The following ZNF562 variants were observed in gnomAD, a reference collection of about 807,000 sequenced individuals.
The protein encoded by ZNF562 is zinc finger protein 562.
Under a neutral mutation model 17.5 loss-of-function variants are expected in ZNF562, and 13 were observed. That is an observed-to-expected ratio of 0.74 (90% confidence interval 0.48 to 1.18). The LOEUF (loss-of-function observed/expected upper bound fraction) is 1.18, where lower values mean the gene tolerates loss of function less well. Ranked by LOEUF, ZNF562 falls within the 50% of genes most tolerant of loss-of-function variation. The pLI, the probability that ZNF562 is intolerant of heterozygous loss-of-function variation, is 0.00. For missense variants in ZNF562, 481 were observed against 498.5 expected (o/e 0.96, Z 0.33); for synonymous variants, 163 against 165.4 (o/e 0.99, Z 0.11).
chr19:9,660,072 G>C (rs147061920), intron 2 of ZNF562, among the ~76,000 whole-genome samples: 2,881 of 114,360 alleles, frequency 0.025, 121 homozygotes, highest in African/African-American at 0.093. Flanking sequence ...CTGGGTGACA[G>C]AGTGAGACTC....
intron 1 of ZNF562, among the ~76,000 whole-genome samples, chr19:9,669,756 A>G (rs980813160): frequency 1.3e-5 from 2 of 150,616 alleles, no homozygotes; most frequent in Non-Finnish European, 3.0e-5. Flanking sequence ...ACACACACAC[A>G]CACACACACA....
chr19:9,668,193 T>C (rs1199097605), intron 1 of ZNF562, among the ~76,000 whole-genome samples: 1 of 151,438 alleles, frequency 6.6e-6, no homozygotes, highest in Non-Finnish European at 1.5e-5. Flanking sequence ...CTGGGCAACA[T>C]GGCACGGCTC....
rs920861121 is a variant in ZNF562 at position 9,644,768 on chromosome 19, A to T, written c.*8181T>A. The stretch of plus-strand genomic sequence containing the variant: ...AGAATTACTTGAACAGCATGGGGAA[A>T]CCCCCCCCCATGATTCTATTACCTC... On this transcript the variant is annotated 3_prime_UTR_variant, in exon 6 of 6. Transcript: ENST00000453372. 1 of 150,106 alleles carries T rather than the reference A, an allele frequency of 6.7e-6. No homozygotes were observed. Among genetic ancestry groups the T allele is most frequent in the Non-Finnish European group, 1.5e-5 (1 of 67,252 alleles). The allele number at this position is 150,106 out of a possible 1,614,324, so 9.3% of individuals were successfully genotyped here.
chr19:9,659,010 T>C (rs1167640775), intron 3 of ZNF562, among the ~76,000 whole-genome samples: 1 of 152,218 alleles, frequency 6.6e-6, no homozygotes, highest in South Asian at 2.1e-4. Context: ...CATTGGTCTC[T>C]GGGCAGCACA....
intron 3 of ZNF562, chr19:9,658,501 C>T (rs987976225): frequency 2.6e-5 from 6 of 233,168 alleles, no homozygotes; most frequent in African/African-American, 1.2e-4. Context: ...AGGCATGCAA[C>T]ATCACGCCTG....
chr19:9,663,211 C>T (rs1163363363), intron 1 of ZNF562, among the ~76,000 whole-genome samples: 5 of 147,562 alleles, frequency 3.4e-5, no homozygotes, highest in South Asian at 2.2e-4. Context: ...CGAGACCATC[C>T]GGCTAATGCA....
chr19:9,669,683 A>G (rs1233145846), intron 1 of ZNF562, among the ~76,000 whole-genome samples: 1 of 150,596 alleles, frequency 6.6e-6, no homozygotes, highest in Non-Finnish European at 1.5e-5. Flanking sequence ...AACCTGTCTG[A>G]AACTGGCAAG....
chr19:9,662,288 A>G (rs971558668), intron 1 of ZNF562, among the ~76,000 whole-genome samples: 4 of 152,154 alleles, frequency 2.6e-5, no homozygotes, highest in African/African-American at 9.7e-5. Context: ...AATATTCAAA[A>G]GATGGCCAGG....
chr19:9,664,947 T>A (rs1189879328), intron 1 of ZNF562, among the ~76,000 whole-genome samples: 1 of 152,008 alleles, frequency 6.6e-6, no homozygotes, highest in Non-Finnish European at 1.5e-5. Flanking sequence ...CTAGGCCAGG[T>A]GTAGTGGCTC....
chr19:9,662,434 C>T (rs943244154), intron 1 of ZNF562, among the ~76,000 whole-genome samples: 13 of 151,672 alleles, frequency 8.6e-5, no homozygotes, highest in African/African-American at 2.2e-4. Flanking sequence ...ATTAGCTGGG[C>T]GTGGTGGCAC....
chr19:9,656,053 G>C (rs545933774), intron 5 of ZNF562, among the ~76,000 whole-genome samples: 8 of 151,994 alleles, frequency 5.3e-5, no homozygotes, highest in Admixed American at 2.6e-4. Context: ...ATCAGAGATG[G>C]TATATTGCTA....
intron 1 of ZNF562, among the ~76,000 whole-genome samples, chr19:9,672,141 C>T (rs1020280269): frequency 6.6e-6 from 1 of 152,060 alleles, no homozygotes; most frequent in African/African-American, 2.4e-5. Context: ...ACAGTAATAA[C>T]TGTTATAGGC....
At position 9,651,689 on chromosome 19, in the gene ZNF562, T is replaced by C. The variant is rs1320213766; in HGVS notation, c.*1260A>G. On this transcript the variant is annotated 3_prime_UTR_variant, in exon 6 of 6. Transcript: ENST00000453372. ...TTGTGCCTTAAGGACATATTCCTGT[T>C]GCAGATAACAAGCCAGAGCCTGTCC... 1 of 152,246 alleles carries C rather than the reference T, an allele frequency of 6.6e-6. No individual in the cohort carries two copies. The highest frequency in any genetic ancestry group is 2.4e-5 in the African/African-American group (1 of 41,460). 9.4% of individuals were successfully genotyped at this position (152,246 alleles called of 1,614,324 possible).
chr19:9,663,334 C>T (rs113828095), intron 1 of ZNF562, among the ~76,000 whole-genome samples: 18,619 of 150,482 alleles, frequency 0.12, 1,384 homozygotes, highest in Admixed American at 0.23. Context: ...TGGCATGAAC[C>T]CAGGAGGTGG....
rs917053136 is a variant in ZNF562, at chr19:9,647,844, TAACTCAAAAACAAAGAAACAAACACC to T, written c.*5079_*5104del. 3.3e-5 allele frequency: 5 copies of T among 152,036 alleles called. No homozygotes were observed. Among genetic ancestry groups the T allele is most frequent in the South Asian group, 2.1e-4 (1 of 4,824 alleles). 9.4% of individuals were successfully genotyped at this position (152,036 alleles called of 1,614,324 possible). A position where few individuals can be genotyped will look rare whatever the true frequency, so the allele number is the denominator to read the frequency against. On this transcript the variant is annotated 3_prime_UTR_variant, in exon 6 of 6. Transcript: ENST00000453372. ...CCAGCCTGGGCAACGAGTGAAACAC[TAACTCAAAAACAAAGAAACAAACACC>T]AACTCAAAAACAAAGAAACAAACCA...
intron 1 of ZNF562, among the ~76,000 whole-genome samples, chr19:9,666,004 G>C (rs1233548273): frequency 6.9e-6 from 1 of 145,350 alleles, no homozygotes; most frequent in South Asian, 2.2e-4. Context: ...GAGAGACCTA[G>C]TCTTTAAAAA....
Position 9,650,301 on chromosome 19 carries a change from C to G in ZNF562, c.*2648G>C, listed in dbSNP as rs1020122184. 2 of 151,716 alleles carry G rather than the reference C, an allele frequency of 1.3e-5. No individual in the cohort carries two copies. The highest frequency in any genetic ancestry group is 4.8e-5 in the African/African-American group (2 of 41,286). 9.4% of individuals were successfully genotyped at this position (151,716 alleles called of 1,614,324 possible). The stretch of plus-strand genomic sequence containing the variant: ...TACTTAATATGATTCTTTTCTCTTT[C>G]CACATAGAGAATCAGATAATCTATA... On this transcript the variant is annotated 3_prime_UTR_variant, in exon 6 of 6. Transcript: ENST00000453372.
At chr19:9,668,103 T>C (rs1002600803) in intron 1 of ZNF562, among the ~76,000 whole-genome samples, 2 of 152,112 alleles carry the variant, frequency 1.3e-5, no homozygotes, top group Non-Finnish European at 2.9e-5. Context: ...GCACCAGGCA[T>C]GATGACTCAC....
rs1489523393 is a variant in ZNF562, at chr19:9,648,486, A to G, written c.*4463T>C. The G allele has an allele frequency of 6.6e-6, 1 of 151,996 alleles. No homozygotes were observed. The highest frequency in any genetic ancestry group is 1.5e-5 in the Non-Finnish European group (1 of 68,008). The allele number at this position is 151,996 out of a possible 1,614,324, so 9.4% of individuals were successfully genotyped here. On this transcript the variant is annotated 3_prime_UTR_variant, in exon 6 of 6. Transcript: ENST00000453372. ...CCCAGCTAATTTTTGTATTGTTAGT[A>G]GAGATGGGGTTTCACCATGTTGGCT...
Sources: gnomAD v4.1 joint callset for allele counts (sites outside exome capture counted in the v4.1 genomes callset) on GRCh38, gnomAD v4.1.1 for gene constraint, MANE v1.5 for transcripts, NCBI Gene and HGNC (gene_info 2026-07-23, HGNC 2026-07-21) for gene names.